NUP205: variants seen among roughly 807,000 people sequenced by gnomAD.
NUP205 encodes the protein nuclear pore complex protein Nup205.
A neutral mutation model predicts 253.8 loss-of-function variants in NUP205; 76 were observed. That is an observed-to-expected ratio of 0.30 (90% CI 0.25 to 0.36). NUP205 has a LOEUF of 0.36. Among genes scored for constraint, NUP205 ranks in the 10% least tolerant of loss-of-function variants. The probability of loss-of-function intolerance (pLI) is 1.00; values close to 1 mark genes in which losing one functional copy is unlikely to be tolerated. For synonymous variants in NUP205, 832 were observed against 850.1 expected (o/e 0.98, Z 0.37); for missense variants, 2,162 against 2,425.5 (o/e 0.89, Z 2.28).
rs1310178860 is a variant in NUP205 at position 135,567,124 on chromosome 7, G to GTATATATATA, written c.29-3980_29-3979insATATATATAT. Among the ~76,000 whole-genome samples, 11 of 24,234 alleles carry GTATATATATA rather than the reference G, an allele frequency of 4.5e-4. 2 individuals are homozygous for GTATATATATA. Among genetic ancestry groups the GTATATATATA allele is most frequent in the East Asian group, 6.3e-3 (2 of 316 alleles). 15.9% of individuals were successfully genotyped at this position (24,234 alleles called of 152,430 possible). A position where few individuals can be genotyped will look rare whatever the true frequency, so the allele number is the denominator to read the frequency against. Reference sequence around the variant, plus strand: ...ATTCTGTCTGTCTTGCTCAGTCTATGTGTGTATATATATATATATATATAT... The same window carrying GTATATATATA: ...ATTCTGTCTGTCTTGCTCAGTCTATGTATATATATATGTGTATATATATATATATATATAT... On this transcript the variant is annotated intron_variant, in intron 1 of 42. Transcript: ENST00000285968.
At chr7:135,584,209 G>A (rs545567234) in intron 7 of NUP205, among the ~76,000 whole-genome samples, 36 of 152,204 alleles carry the variant, frequency 2.4e-4, no homozygotes, top group African/African-American at 8.4e-4. Context: ...AGTGGAGAGG[G>A]GGAAGATATA....
intron 39 of NUP205, 25 bp from the exon 40 acceptor site, chr7:135,644,870 C>T (rs1445618817): frequency 3.1e-6 from 5 of 1,610,730 alleles, no homozygotes; most frequent in Non-Finnish European, 4.2e-6. Context: ...TGATGTCATT[C>T]TAATACCACA....
At chr7:135,617,994 A>G (rs1190636783) in intron 27 of NUP205, among the ~76,000 whole-genome samples, 2 of 151,842 alleles carry the variant, frequency 1.3e-5, no homozygotes, top group Non-Finnish European at 2.9e-5. Context: ...AAAGTTACAG[A>G]TAAGAGGTCA....
intron 38 of NUP205, among the ~76,000 whole-genome samples, chr7:135,641,686 C>T (rs1432070345): frequency 6.6e-6 from 1 of 151,688 alleles, no homozygotes; most frequent in East Asian, 1.9e-4. Flanking sequence ...GTGGGAGGAT[C>T]ACCTGAGCCC....
chr7:135,648,712 A>G lies in NUP205; in HGVS notation c.*156A>G. 4.6e-6 allele frequency: 2 copies of G among 438,348 alleles called. No individual in the cohort carries two copies. Among genetic ancestry groups the G allele is most frequent in the Non-Finnish European group, 7.8e-6 (2 of 257,254 alleles). The allele number at this position is 438,348 out of a possible 1,614,324, so 27.2% of individuals were successfully genotyped here. On this transcript the variant is annotated 3_prime_UTR_variant, in exon 43 of 43. Coordinates refer to ENST00000285968, the MANE Select transcript of NUP205 (RefSeq NM_015135.3). ...TCTGTAAACTTCTTCCCCTAGTTCC[A>G]TCCTCACTAGTAAAAAATAAATACT...
At chr7:135,589,255 G>A (rs1333344965) in intron 10 of NUP205, among the ~76,000 whole-genome samples, 1 of 148,676 alleles carries the variant, frequency 6.7e-6, no homozygotes, top group African/African-American at 2.5e-5. Context: ...CAATGTGTGT[G>A]TGTGTGTTTT....
At position 135,576,906 on chromosome 7, in the gene NUP205, A is replaced by G. The variant is rs1342399675; in HGVS notation, c.489-63A>G. 18 of 1,490,372 alleles carry G rather than the reference A, an allele frequency of 1.2e-5. No individual in the cohort carries two copies. In the South Asian group the frequency reaches 1.9e-4, roughly 16 times the overall value. 92.3% of individuals were successfully genotyped at this position (1,490,372 alleles called of 1,614,324 possible). ...CAAAAAAAGAGCGTTTGCTATACCT[A>G]TTATTATGAAGAAGCATAAACAATA... On this transcript the variant is annotated intron_variant, in intron 4 of 42. Coordinates refer to ENST00000285968, the MANE Select transcript of NUP205 (RefSeq NM_015135.3).
At chr7:135,592,875 ACT>A (rs1388237333) in intron 11 of NUP205, 110 bp from the exon 12 acceptor site, 2 of 775,986 alleles carry the variant, frequency 2.6e-6, no homozygotes, top group Non-Finnish European at 4.2e-6. Context: ...TGACAGTGAG[ACT>A]CTATCTCAAA....
intron 1 of NUP205, among the ~76,000 whole-genome samples, chr7:135,559,960 G>A (rs1177354347): frequency 6.6e-6 from 1 of 152,070 alleles, no homozygotes; most frequent in Non-Finnish European, 1.5e-5. Flanking sequence ...CTGGGTTCAA[G>A]CGATTCCCCT....
At chr7:135,577,775 T>C (rs1322524221) in intron 5 of NUP205, 21 bp from the exon 6 acceptor site, 8 of 1,547,586 alleles carry the variant, frequency 5.2e-6, no homozygotes, top group Admixed American at 1.7e-5. Context: ...TTTATACTGA[T>C]AGTCATGTTT....
chr7:135,611,224 G>A (rs1232363409), intron 22 of NUP205, among the ~76,000 whole-genome samples: 1 of 152,016 alleles, frequency 6.6e-6, no homozygotes, highest in Non-Finnish European at 1.5e-5. Flanking sequence ...TGGCCAGGGT[G>A]GTCTCAAACT....
intron 38 of NUP205, among the ~76,000 whole-genome samples, chr7:135,642,294 A>G (rs895766204): frequency 3.3e-5 from 5 of 151,792 alleles, no homozygotes; most frequent in African/African-American, 4.8e-5. Context: ...GTTTCCACGA[A>G]ATCCCTTAGT....
At chr7:135,581,271 C>T (rs943461345) in intron 7 of NUP205, among the ~76,000 whole-genome samples, 2 of 152,178 alleles carry the variant, frequency 1.3e-5, no homozygotes, top group Non-Finnish European at 2.9e-5. Context: ...AAGCCAGGTG[C>T]AGTGCCTCAT....
At chr7:135,609,137 A>G (rs1023095091) in intron 22 of NUP205, among the ~76,000 whole-genome samples, 1 of 149,090 alleles carries the variant, frequency 6.7e-6, no homozygotes, top group East Asian at 2.0e-4. Flanking sequence ...ACCAGGCTTT[A>G]TAAGCTGTGA....
In NUP205 at chr7:135,591,620, T is replaced by C. The variant is rs751038918; in HGVS notation, c.1624+20T>C. On this transcript the variant is annotated intron_variant, in intron 11 of 42. Coordinates refer to ENST00000285968, the MANE Select transcript of NUP205 (RefSeq NM_015135.3). ...GTCATGGTAAGGAATATGTGGATGT[T>C]GTTAAAGTTTGTTGTTATACTCTTT... 1.2e-6 allele frequency: 2 copies of C among 1,603,130 alleles called. No homozygotes were observed. The highest frequency in any genetic ancestry group is 1.7e-6 in the Non-Finnish European group (2 of 1,176,420).
chr7:135,626,423 A>G, intron 33 of NUP205, 62 bp downstream of exon 33: 1 of 1,544,468 alleles, frequency 6.5e-7, no homozygotes, highest in East Asian at 2.3e-5. Flanking sequence ...AGGGAAGAAA[A>G]AATTCCAAAC....
At chr7:135,577,664 T>G in intron 5 of NUP205, 132 bp from the exon 6 acceptor site, 1 of 639,350 alleles carries the variant, frequency 1.6e-6, no homozygotes, top group South Asian at 2.1e-5. Context: ...ATTCCAGAGG[T>G]GACGTCTTAG....
Position 135,604,410 on chromosome 7 carries a change from T to G in NUP205, c.2773T>G (p.Cys925Gly). Residue 925 changes from cysteine to glycine, a missense_variant, in exon 19 of 43, where the codon TGC (cysteine) becomes GGC (glycine). Cys to Gly is a radical substitution (Grantham distance 159). Coordinates refer to ENST00000285968, the MANE Select transcript of NUP205 (RefSeq NM_015135.3). ...TGCCAAGATCCTCTGTTGTATCTCT[T>G]GCAACTCTAATATTCAGATAAAGTT... is the stretch of plus-strand genomic sequence containing the variant. ...ESAKILCCIS[C>G]NSNIQIKLVG... 1 of 1,612,852 alleles carries G rather than the reference T, an allele frequency of 6.2e-7. No individual in the cohort carries two copies. Among genetic ancestry groups the G allele is most frequent in the South Asian group, 1.1e-5 (1 of 90,864 alleles).
intron 25 of NUP205, 117 bp downstream of exon 25, chr7:135,616,843 T>C (rs1274461096): frequency 1.5e-6 from 1 of 675,828 alleles, no homozygotes; most frequent in Non-Finnish European, 2.3e-6. Flanking sequence ...AGAAAAGTTA[T>C]ATAAAGGATT....
Sources: gnomAD v4.1 joint callset for allele counts (sites outside exome capture counted in the v4.1 genomes callset) on GRCh38, gnomAD v4.1.1 for gene constraint, MANE v1.5 for transcripts, NCBI Gene and HGNC (gene_info 2026-07-23, HGNC 2026-07-21) for gene names.